SLC39A14: variants seen among roughly 807,000 people sequenced by gnomAD.
SLC39A14 encodes solute carrier family 39 member 14, also known as metal cation symporter ZIP14.
Under a neutral mutation model 45.5 loss-of-function variants are expected in SLC39A14, and 19 were observed. The observed-to-expected ratio is 0.42, with a 90% CI of 0.29 to 0.61. The LOEUF (loss-of-function observed/expected upper bound fraction) is 0.61. Among genes scored for constraint, SLC39A14 ranks in the 20% least tolerant of loss-of-function variants. SLC39A14 has a pLI of 0.22. For synonymous variants in SLC39A14, 264 were observed against 251.3 expected, an observed-to-expected ratio of 1.05 and a Z score of -0.48; for missense variants, 447 against 616.5, an observed-to-expected ratio of 0.73 and a Z score of 2.91.
intron 1 of SLC39A14, among the ~76,000 whole-genome samples, chr8:22,369,171 G>A (rs1350376790): frequency 6.6e-6 from 1 of 152,178 alleles, no homozygotes; most frequent in Non-Finnish European, 1.5e-5. Flanking sequence ...ACCAGACAGT[G>A]GAAGGGGGTC....
Position 22,419,964 on chromosome 8 carries a change from A to G in SLC39A14, c.*266A>G. 1 of 1,165,068 alleles carries G rather than the reference A, an allele frequency of 8.6e-7. No homozygotes were observed. The highest frequency in any genetic ancestry group is 1.1e-6 in the Non-Finnish European group (1 of 943,968). 72.2% of individuals were successfully genotyped at this position (1,165,068 alleles called of 1,614,324 possible). ...TGACTCTGGAACCTGAATGCAGCTT[A>G]CAAGACAAGCCTGACTTTTTTCTCT... On this transcript the variant is annotated 3_prime_UTR_variant, in exon 9 of 9. Coordinates refer to ENST00000381237, the MANE Select transcript of SLC39A14 (RefSeq NM_001128431.4).
intron 1 of SLC39A14, among the ~76,000 whole-genome samples, chr8:22,368,539 G>GTATTT (rs1301121264): frequency 1.2e-4 from 3 of 24,762 alleles, no homozygotes; most frequent in East Asian, 6.8e-3. Context: ...TTATTTTATT[G>GTATTT]TATTTTATTT....
intron 1 of SLC39A14, among the ~76,000 whole-genome samples, chr8:22,378,811 C>G (rs537740348): frequency 2.6e-5 from 4 of 152,332 alleles, no homozygotes; most frequent in Non-Finnish European, 5.9e-5. Flanking sequence ...ATGAGGGTCA[C>G]TGGAGTCACT....
At chr8:22,394,454 G>T (rs974863098) in intron 1 of SLC39A14, among the ~76,000 whole-genome samples, 1 of 151,646 alleles carries the variant, frequency 6.6e-6, no homozygotes, top group African/African-American at 2.4e-5. Context: ...CAAGTAGCTG[G>T]TACTACAGGC....
At chr8:22,407,503 G>A (rs1835293448) in intron 2 of SLC39A14, among the ~76,000 whole-genome samples, 1 of 151,650 alleles carries the variant, frequency 6.6e-6, no homozygotes. Context: ...TGGGATTACA[G>A]GCGTGAGCTA....
rs776398683 is a variant in SLC39A14, at chr8:22,404,844, A to G, written c.134A>G (p.Gln45Arg). The change falls in exon 2 of 9, where the codon CAG (glutamine) becomes CGG (arginine). Residue 45 changes from glutamine to arginine, a missense_variant. Coordinates refer to ENST00000381237, the MANE Select transcript of SLC39A14 (RefSeq NM_001128431.4). ...GCTATCAGCGCTGCCTCCTTCCTGCAGGATCTAATACATCGGTATGGCGAG... is the reference window on the plus strand; with the variant it reads ...GCTATCAGCGCTGCCTCCTTCCTGCGGGATCTAATACATCGGTATGGCGAG... ...APAISAASFL[Q>R]DLIHRYGEGD... 30 of 1,614,106 alleles carry G rather than the reference A, an allele frequency of 1.9e-5. No homozygotes were observed. The highest frequency in any genetic ancestry group is 2.4e-5 in the Non-Finnish European group (28 of 1,180,040).
intron 1 of SLC39A14, among the ~76,000 whole-genome samples, chr8:22,391,844 G>A (rs373196468): frequency 1.1e-3 from 170 of 152,068 alleles, no homozygotes; most frequent in African/African-American, 3.3e-3. Flanking sequence ...CTGGGATTAC[G>A]GGCATGAGCC....
At position 22,421,286 on chromosome 8, in the gene SLC39A14, C is replaced by T; in HGVS notation, c.*1588C>T. The T allele has an allele frequency of 1.0e-6, 1 of 985,874 alleles. No homozygotes were observed. Among genetic ancestry groups the T allele is most frequent in the Non-Finnish European group, 1.2e-6 (1 of 829,928 alleles). 61.1% of individuals were successfully genotyped at this position (985,874 alleles called of 1,614,324 possible). The stretch of plus-strand genomic sequence containing the variant: ...ACTGTCCGCTCTCAGTAATCACAAG[C>T]AGCATCCGTTTTGTTTTCTCTTCTT... On this transcript the variant is annotated 3_prime_UTR_variant, in exon 9 of 9. Transcript: ENST00000381237.
At chr8:22,428,274 G>A (rs912800143) in intron 8 of SLC39A14, among the ~76,000 whole-genome samples, 1 of 151,990 alleles carries the variant, frequency 6.6e-6, no homozygotes. Flanking sequence ...TCCAGCCTGG[G>A]CAACAAGAGC....
intron 8 of SLC39A14, 53 bp from the exon 9 acceptor site, chr8:22,419,499 C>A: frequency 6.5e-7 from 1 of 1,548,450 alleles, no homozygotes; most frequent in Non-Finnish European, 8.8e-7. Flanking sequence ...TTGCCCTGGA[C>A]TTACAAGATG....
chr8:22,395,159 G>A (rs557878217), intron 1 of SLC39A14, among the ~76,000 whole-genome samples: 15 of 151,986 alleles, frequency 9.9e-5, no homozygotes, highest in South Asian at 2.1e-4. Context: ...ACAGGTGTGC[G>A]CCACCACACC....
chr8:22,399,301 C>T (rs1834712585), intron 1 of SLC39A14, among the ~76,000 whole-genome samples: 1 of 152,222 alleles, frequency 6.6e-6, no homozygotes, highest in South Asian at 2.1e-4. Context: ...TCTTTCCTCT[C>T]TAATACCTTT....
Position 22,422,700 on chromosome 8 carries a change from A to C in SLC39A14, c.*3002A>C. 1 of 985,310 alleles carries C rather than the reference A, an allele frequency of 1.0e-6. No individual in the cohort carries two copies. Among genetic ancestry groups the C allele is most frequent in the East Asian group, 1.1e-4 (1 of 8,822 alleles). 61.0% of individuals were successfully genotyped at this position (985,310 alleles called of 1,614,324 possible). A position where few individuals can be genotyped will look rare whatever the true frequency, so the allele number is the denominator to read the frequency against. Reference sequence around the variant, plus strand: ...ATTGTTGAGAATCCCACGGGTGATCATTTGCAATAAATGTGGATGTAATGA... The same window carrying C: ...ATTGTTGAGAATCCCACGGGTGATCCTTTGCAATAAATGTGGATGTAATGA... On this transcript the variant is annotated 3_prime_UTR_variant, in exon 9 of 9. Coordinates refer to ENST00000381237, the MANE Select transcript of SLC39A14 (RefSeq NM_001128431.4).
Position 22,414,847 on chromosome 8 carries a change from A to G in SLC39A14, c.695A>G (p.Tyr232Cys). The change falls in exon 5 of 9, where the codon TAT becomes TGT. Residue 232 changes from tyrosine to cysteine, a missense_variant. By Grantham distance (194) the Tyr-to-Cys change is radical. Coordinates refer to ENST00000381237, the MANE Select transcript of SLC39A14 (RefSeq NM_001128431.4). ...TCTGCAGTGGTGTTTGGGGGCTTTT[A>G]TCTTTTCTTTTTCACAGAGAAGATC... is the stretch of plus-strand genomic sequence containing the variant. The part of the protein sequence containing the change: ...SKSAVVFGGF[Y>C]LFFFTEKILK... The G allele has an allele frequency of 6.2e-7, 1 of 1,613,394 alleles. No homozygotes were observed. Among genetic ancestry groups the G allele is most frequent in the Non-Finnish European group, 8.5e-7 (1 of 1,179,834 alleles).
intron 1 of SLC39A14, among the ~76,000 whole-genome samples, chr8:22,385,068 AC>A (rs1173870592): frequency 5.3e-5 from 8 of 152,080 alleles, no homozygotes; most frequent in Non-Finnish European, 1.2e-4. Flanking sequence ...ACACAAAAAA[AC>A]AAAAACAAAA....
intron 2 of SLC39A14, among the ~76,000 whole-genome samples, chr8:22,405,500 G>A (rs1431273745): frequency 1.3e-5 from 2 of 152,120 alleles, no homozygotes; most frequent in African/African-American, 2.4e-5. Context: ...GCAACAGAGC[G>A]AGAATCTGTC....
At chr8:22,407,037 G>A (rs911933176) in intron 2 of SLC39A14, among the ~76,000 whole-genome samples, 3 of 152,222 alleles carry the variant, frequency 2.0e-5, no homozygotes, top group East Asian at 1.9e-4. Context: ...CGTGAGAAGC[G>A]CTTACCTGCT....
intron 1 of SLC39A14, chr8:22,398,598 C>A (rs1210717646): frequency 5.2e-6 from 2 of 386,406 alleles, no homozygotes; most frequent in Non-Finnish European, 7.1e-6. Flanking sequence ...GCTCTGAGGC[C>A]TTGTTGGTTT....
In SLC39A14 at chr8:22,394,608, T is replaced by C. The variant is rs550327249; in HGVS notation, c.-15-10088T>C. Among the ~76,000 whole-genome samples, 95 of 152,286 alleles carry C rather than the reference T, an allele frequency of 6.2e-4. 1 individual carries two copies. The highest frequency in any genetic ancestry group is 2.4e-3 in the Admixed American group (37 of 15,292). Reference sequence around the variant, plus strand: ...TGCTGGGATTGCAGGCGTGAGCCACTGTGCCCGGCCGATTTTTTATTATTT... The same window carrying C: ...TGCTGGGATTGCAGGCGTGAGCCACCGTGCCCGGCCGATTTTTTATTATTT... On this transcript the variant is annotated intron_variant, in intron 1 of 8. Coordinates refer to ENST00000381237, the MANE Select transcript of SLC39A14 (RefSeq NM_001128431.4).
Sources: allele counts gnomAD v4.1 joint callset (sites outside exome capture counted in the v4.1 genomes callset), GRCh38; gene constraint gnomAD v4.1.1; transcripts MANE v1.5; gene names NCBI Gene and HGNC (gene_info 2026-07-23, HGNC 2026-07-21).